The following CACNB1 variants were observed in gnomAD, a reference collection of about 807,000 sequenced individuals.
CACNB1 encodes the protein calcium voltage-gated channel auxiliary subunit beta 1.
In CACNB1, 29 loss-of-function variants were observed where a neutral mutation model predicts 71.6. The ratio of observed to expected loss-of-function variants is 0.40; its 90% CI spans 0.30 to 0.55. The LOEUF is 0.55. CACNB1 is among the 20% of genes least tolerant of loss of function. CACNB1 has a pLI of 0.38. For missense variants in CACNB1, 623 were observed against 801.8 expected (o/e 0.78, Z 2.69); for synonymous variants, 300 against 319.6 (o/e 0.94, Z 0.65).
chr17:39,184,473 A>C, intron 8 of CACNB1, 90 bp from the exon 9 acceptor site: 1 of 777,256 alleles, frequency 1.3e-6, no homozygotes, highest in Non-Finnish European at 2.2e-6. Flanking sequence ...TTGTACCCTC[A>C]CGTTCCACTT....
chr17:39,178,287 T>C, intron 11 of CACNB1: 1 of 472,108 alleles, frequency 2.1e-6, no homozygotes, highest in South Asian at 3.2e-5. Flanking sequence ...TCTCCTGGTG[T>C]TATGCCAGCC....
rs2045940198 is a variant in CACNB1 at position 39,186,369 on chromosome 17, A to AC, written c.628+126dup. ...GCCTACTCTTCATGGAGGGGGAACCACTGCATGTGCTTGGGGGACTCAGGA... is the reference window on the plus strand; with the variant it reads ...GCCTACTCTTCATGGAGGGGGAACCACCTGCATGTGCTTGGGGGACTCAGGA... On this transcript the variant is annotated intron_variant, in intron 6 of 13. Coordinates refer to ENST00000394303, the MANE Select transcript of CACNB1 (RefSeq NM_000723.5). The surrounding 1 kb of genome is among the most constrained non-coding windows in gnomAD (Gnocchi z 4.1). The AC allele has an allele frequency of 4.2e-5, 29 of 693,626 alleles. 1 individual carries two copies. The South Asian group carries it at 5.3e-4, about 13-fold the overall frequency. 43.0% of individuals were successfully genotyped at this position (693,626 alleles called of 1,614,324 possible).
At chr17:39,191,659 A>G in intron 2 of CACNB1, 66 bp from the exon 3 acceptor site, 1 of 1,548,666 alleles carries the variant, frequency 6.5e-7, no homozygotes, top group Non-Finnish European at 8.7e-7. Flanking sequence ...CTGGGAAGGC[A>G]TGGAGGTGCC....
chr17:39,177,175 C>T, intron 13 of CACNB1, 175 bp downstream of exon 13: 1 of 1,448,436 alleles, frequency 6.9e-7, no homozygotes, highest in South Asian at 1.5e-5. Flanking sequence ...AAGCTCTTCC[C>T]TTCCTCCTCC....
At chr17:39,185,052 T>A in intron 7 of CACNB1, 79 bp downstream of exon 7, 1 of 1,289,340 alleles carries the variant, frequency 7.8e-7, no homozygotes, top group South Asian at 1.2e-5. Flanking sequence ...GGGGGACAGA[T>A]GTGGGAATGG....
Position 39,177,522 on chromosome 17 carries a change from A to G in CACNB1, c.1160T>C (p.Ile387Thr). 2 of 1,592,552 alleles carry G rather than the reference A, an allele frequency of 1.3e-6. No homozygotes were observed. Among genetic ancestry groups the G allele is most frequent in the Non-Finnish European group, 1.7e-6 (2 of 1,165,620 alleles). Residue 387 changes from isoleucine (I) to threonine (T), a missense_variant, in exon 13 of 14, where the codon ATC becomes ACC. Coordinates refer to ENST00000394303, the MANE Select transcript of CACNB1 (RefSeq NM_000723.5). ...CTCCAATTGGTTCTCATCCAGGATG[A>G]TGTCAAACATTTCCTGTGAAGGCGG... ...LAQCPPEMFD[I>T]ILDENQLEDA...
At chr17:39,182,488 C>T (rs997685046) in intron 11 of CACNB1, among the ~76,000 whole-genome samples, 3 of 151,902 alleles carry the variant, frequency 2.0e-5, no homozygotes, top group Admixed American at 1.3e-4. Flanking sequence ...ATCACGAGGT[C>T]AGGAGATCGA....
In CACNB1 at chr17:39,194,992, C is replaced by T. The variant is rs372186475; in HGVS notation, c.85-22G>A. ...TGCCCTGAAGAGGCCAGGAAAGGAA[C>T]AAGAGTAGAATCAGAAGGGCCCTTT... On this transcript the variant is annotated intron_variant, in intron 1 of 13. Transcript: ENST00000394303. This position sits in a 1 kb window ranked among gnomAD's most constrained non-coding sequence, Gnocchi z 4.6. 3.8e-6 allele frequency: 6 copies of T among 1,563,434 alleles called. No individual in the cohort carries two copies. Among genetic ancestry groups the T allele is most frequent in the East Asian group, 2.3e-5 (1 of 44,366 alleles).
At chr17:39,188,230 C>A (rs899107611) in intron 3 of CACNB1, among the ~76,000 whole-genome samples, 2 of 151,986 alleles carry the variant, frequency 1.3e-5, no homozygotes, top group African/African-American at 4.8e-5. Context: ...TTGCAGTGAG[C>A]CAAGATGGCA....
At chr17:39,184,513 G>A (rs2045880175) in intron 8 of CACNB1, 130 bp from the exon 9 acceptor site, 1 of 667,078 alleles carries the variant, frequency 1.5e-6, no homozygotes, top group South Asian at 1.7e-5. Flanking sequence ...CGGCGGGCGG[G>A]GGTCTGAGTC....
chr17:39,177,083 G>A, intron 13 of CACNB1: 1 of 1,390,576 alleles, frequency 7.2e-7, no homozygotes, highest in Non-Finnish European at 9.3e-7. Flanking sequence ...ACCAGGCCCA[G>A]GAAGACAGCA....
At chr17:39,184,955 C>G in intron 7 of CACNB1, 91 bp from the exon 8 acceptor site, 2 of 1,068,888 alleles carry the variant, frequency 1.9e-6, no homozygotes, top group South Asian at 1.3e-5. Flanking sequence ...GCAGCCTTCC[C>G]CCACCCTGGT....
intron 1 of CACNB1, chr17:39,195,190 C>A: frequency 6.4e-6 from 3 of 471,318 alleles, no homozygotes; most frequent in Non-Finnish European, 7.5e-6. Flanking sequence ...GGGACCAGTG[C>A]AAGAGAGCCC....
At chr17:39,188,300 G>A (rs972575399) in intron 3 of CACNB1, among the ~76,000 whole-genome samples, 6 of 151,988 alleles carry the variant, frequency 3.9e-5, no homozygotes. Flanking sequence ...AAAAGTCTGG[G>A]CGTGGTGGCT....
intron 3 of CACNB1, among the ~76,000 whole-genome samples, chr17:39,191,273 C>T (rs1011274408): frequency 2.5e-5 from 3 of 118,702 alleles, no homozygotes; most frequent in African/African-American, 5.3e-5. Context: ...TATAATAACA[C>T]GCACTTATTA....
chr17:39,187,519 G>C lies in CACNB1; in HGVS notation c.374C>G (p.Ala125Gly). Residue 125 changes from alanine to glycine, a missense_variant, in exon 4 of 14, where the codon GCC (alanine) becomes GGC (glycine). Transcript: ENST00000394303. Reference protein sequence around the residue: ...PGDEVPVQGVAITFEPKDFLH... With the variant: ...PGDEVPVQGVGITFEPKDFLH... ...GAAGTCTTTGGGCTCGAAGGTGATG[G>C]CCACTCCCTGCACAGGCACCTCATC... is the stretch of plus-strand genomic sequence containing the variant. 1 of 1,614,066 alleles carries C rather than the reference G, an allele frequency of 6.2e-7. No individual in the cohort carries two copies. The highest frequency in any genetic ancestry group is 2.2e-5 in the East Asian group (1 of 44,880).
chr17:39,177,298 C>T, intron 13 of CACNB1, 52 bp downstream of exon 13: 1 of 1,610,610 alleles, frequency 6.2e-7, no homozygotes, highest in Non-Finnish European at 8.5e-7. Flanking sequence ...TGTGAGGACT[C>T]CAGCCCGCCC....
In CACNB1 at chr17:39,186,932, G is replaced by A; in HGVS notation, c.415-3C>T. 1 of 1,613,968 alleles carries A rather than the reference G, an allele frequency of 6.2e-7. No individual in the cohort carries two copies. Among genetic ancestry groups the A allele is most frequent in the Non-Finnish European group, 8.5e-7 (1 of 1,179,874 alleles). On this transcript the variant is annotated splice_polypyrimidine_tract_variant and splice_region_variant and intron_variant, in intron 4 of 13. Coordinates refer to ENST00000394303, the MANE Select transcript of CACNB1 (RefSeq NM_000723.5). This position sits in a 1 kb window ranked among gnomAD's most constrained non-coding sequence, Gnocchi z 4.1. ...ATCCACCAGTCATTATTGTATTTCT[G>A]CAAAGAATATGGCAGGTGGGTGGAA...
chr17:39,197,552 TG>T lies in CACNB1; in HGVS notation c.-58del. 7.5e-7 allele frequency: 1 copy of T among 1,328,382 alleles called. No homozygotes were observed. The highest frequency in any genetic ancestry group is 1.0e-6 in the Non-Finnish European group (1 of 988,980). 82.3% of individuals were successfully genotyped at this position (1,328,382 alleles called of 1,614,324 possible). On this transcript the variant is annotated 5_prime_UTR_variant, in exon 1 of 14. Transcript: ENST00000394303. ...GGCCCAGCCGGGCTCCCTCAGCGCA[TG>T]GGAGAGGCCGTGGGAGCCGAAAGCA... is the stretch of plus-strand genomic sequence containing the variant.
Sources: gnomAD v4.1 joint callset for allele counts (sites outside exome capture counted in the v4.1 genomes callset) on GRCh38, gnomAD v4.1.1 for gene constraint, Gnocchi (gnomAD v3.1) non-coding constraint, MANE v1.5 for transcripts, NCBI Gene and HGNC (gene_info 2026-07-23, HGNC 2026-07-21) for gene names.